KCNIP4: variants seen among roughly 807,000 people sequenced by gnomAD.
KCNIP4 encodes Kv channel-interacting protein 4.
KCNIP4 carries 12 observed loss-of-function variants against 34.0 expected under a neutral mutation model. That is an observed-to-expected ratio of 0.35 (90% CI 0.23 to 0.57). KCNIP4 has a LOEUF of 0.57. Ranked by LOEUF, KCNIP4 falls within the 20% of genes least tolerant of loss-of-function variation. The pLI is 0.83. For missense variants in KCNIP4, 238 were observed against 311.7 expected, an observed-to-expected ratio of 0.76 and a Z score of 1.78; for synonymous variants, 124 against 102.2, an observed-to-expected ratio of 1.21 and a Z score of -1.29.
chr4:21,428,208 T>A (rs1425958631), intron 1 of KCNIP4, among the ~76,000 whole-genome samples: 1 of 152,154 alleles, frequency 6.6e-6, no homozygotes, highest in African/African-American at 2.4e-5. Context: ...GCTGTCTCTG[T>A]CATTTTCTCA....
intron 1 of KCNIP4, among the ~76,000 whole-genome samples, chr4:21,552,041 A>T: frequency 7.5e-6 from 1 of 133,990 alleles, no homozygotes; most frequent in African/African-American, 2.7e-5. Context: ...CTTTTTTTAA[A>T]AAAAAAAAAA....
intron 3 of KCNIP4, among the ~76,000 whole-genome samples, chr4:20,813,640 C>T (rs1403152955): frequency 6.6e-6 from 1 of 152,080 alleles, no homozygotes; most frequent in Non-Finnish European, 1.5e-5. Context: ...CTGTCAAAGC[C>T]AGGCAGGGGG....
At chr4:20,759,544 G>A (rs950469633) in intron 3 of KCNIP4, among the ~76,000 whole-genome samples, 6 of 152,134 alleles carry the variant, frequency 3.9e-5, no homozygotes, top group Non-Finnish European at 8.8e-5. Flanking sequence ...AAGAATGATG[G>A]ACATTGATCT....
chr4:21,542,356 T>C (rs2109000786), intron 1 of KCNIP4, among the ~76,000 whole-genome samples: 1 of 152,200 alleles, frequency 6.6e-6, no homozygotes, highest in African/African-American at 2.4e-5. Flanking sequence ...ATTTTAAGGC[T>C]TCAAAAATAT....
chr4:21,907,417 C>T (rs1728065992), intron 1 of KCNIP4, among the ~76,000 whole-genome samples: 1 of 152,126 alleles, frequency 6.6e-6, no homozygotes, highest in Non-Finnish European at 1.5e-5. Flanking sequence ...TTCTAGCCTC[C>T]AGAACTACTA....
Position 21,545,400 on chromosome 4 carries a change from T to C in KCNIP4, c.61+403171A>G, listed in dbSNP as rs186799453. Among the ~76,000 whole-genome samples, 76 of 152,298 alleles carry C rather than the reference T, an allele frequency of 5.0e-4. No homozygotes were observed. The East Asian group carries it at 8.1e-3, about 16-fold the overall frequency. On this transcript the variant is annotated intron_variant, in intron 1 of 8. Transcript: ENST00000382152. ...CCTTTACTTTCTTTTTTTATTATTA[T>C]TACACTTTAAGTTCTGGGTTACATG...
intron 1 of KCNIP4, among the ~76,000 whole-genome samples, chr4:21,384,435 T>G (rs1441115646): frequency 6.6e-6 from 1 of 152,182 alleles, no homozygotes; most frequent in Non-Finnish European, 1.5e-5. Context: ...TGACTCTGAT[T>G]GTAAATTCAT....
At chr4:21,788,084 T>A (rs1020722046) in intron 1 of KCNIP4, among the ~76,000 whole-genome samples, 1 of 152,152 alleles carries the variant, frequency 6.6e-6, no homozygotes, top group African/African-American at 2.4e-5. Flanking sequence ...GCCTTGTCAA[T>A]TAAATTTCAA....
rs1377044749 is a variant in KCNIP4, at chr4:21,687,182, G to A, written c.61+261389C>T. ...TGGGGACTGTGGTGGGGTGGGGGGA[G>A]GGGGGAGGGATAGCATTGGGAGATA... On this transcript the variant is annotated intron_variant, in intron 1 of 8. Coordinates refer to ENST00000382152, the MANE Select transcript of KCNIP4 (RefSeq NM_025221.6). Among the ~76,000 whole-genome samples the A allele has an allele frequency of 8.4e-4, 92 of 108,922 alleles. 1 individual carries two copies. Among genetic ancestry groups the A allele is most frequent in the Middle Eastern group, 5.2e-3 (1 of 192 alleles). The allele number at this position is 108,922 out of a possible 152,430, so 71.5% of individuals were successfully genotyped here.
At chr4:20,993,922 T>A (rs1183885689) in intron 1 of KCNIP4, among the ~76,000 whole-genome samples, 1 of 152,232 alleles carries the variant, frequency 6.6e-6, no homozygotes, top group African/African-American at 2.4e-5. Flanking sequence ...TTCTAGAGGC[T>A]GCCTGCATAT....
At chr4:21,583,550 C>T (rs41463847) in intron 1 of KCNIP4, among the ~76,000 whole-genome samples, 9,910 of 152,018 alleles carry the variant, frequency 0.065, 472 homozygotes, top group African/African-American at 0.13. Flanking sequence ...ATTATATACT[C>T]TGCCTTTCAC....
chr4:21,830,871 T>A (rs1383899319), intron 1 of KCNIP4, among the ~76,000 whole-genome samples: 2 of 152,168 alleles, frequency 1.3e-5, no homozygotes, highest in African/African-American at 4.8e-5. Flanking sequence ...TCTCAAGAAT[T>A]AATGAAATAT....
At chr4:21,768,368 C>A (rs1401688002) in intron 1 of KCNIP4, among the ~76,000 whole-genome samples, 1 of 151,954 alleles carries the variant, frequency 6.6e-6, no homozygotes, top group Non-Finnish European at 1.5e-5. Context: ...ACTTTTTGAC[C>A]TCTGAGTACG....
chr4:21,332,265 A>C (rs1715722497), intron 1 of KCNIP4, among the ~76,000 whole-genome samples: 1 of 151,964 alleles, frequency 6.6e-6, no homozygotes, highest in Non-Finnish European at 1.5e-5. Flanking sequence ...AATATGGTAT[A>C]TTATACGGAA....
At chr4:21,518,222 T>C (rs183159119) in intron 1 of KCNIP4, among the ~76,000 whole-genome samples, 6 of 152,272 alleles carry the variant, frequency 3.9e-5, no homozygotes, top group Non-Finnish European at 7.3e-5. Context: ...GGGATCAATA[T>C]ATTGGCCTGG....
chr4:20,821,942 G>T (rs571496554), intron 3 of KCNIP4, among the ~76,000 whole-genome samples: 35 of 151,840 alleles, frequency 2.3e-4, no homozygotes, highest in African/African-American at 7.3e-4. Flanking sequence ...GGCACTTACG[G>T]TTCCACATCT....
At chr4:20,989,987 G>A (rs1205030450) in intron 1 of KCNIP4, among the ~76,000 whole-genome samples, 1 of 152,022 alleles carries the variant, frequency 6.6e-6, no homozygotes, top group Non-Finnish European at 1.5e-5. Context: ...ACAAAAGACA[G>A]CATTCACGAC....
chr4:21,053,706 C>A (rs185571606), intron 1 of KCNIP4, among the ~76,000 whole-genome samples: 6 of 152,270 alleles, frequency 3.9e-5, no homozygotes, highest in Admixed American at 3.9e-4. Context: ...AATCACATTT[C>A]TATGTACCAG....
At chr4:20,846,422 G>C (rs924849987) in intron 3 of KCNIP4, among the ~76,000 whole-genome samples, 1 of 152,114 alleles carries the variant, frequency 6.6e-6, no homozygotes, top group Non-Finnish European at 1.5e-5. Context: ...GCTATAACTG[G>C]TTTCGAAAGA....
Sources: gnomAD v4.1 joint callset for allele counts (sites outside exome capture counted in the v4.1 genomes callset) on GRCh38, gnomAD v4.1.1 for gene constraint, MANE v1.5 for transcripts, NCBI Gene and HGNC (gene_info 2026-07-23, HGNC 2026-07-21) for gene names.